The following SERINC5 variants were observed in gnomAD, a reference collection of about 807,000 sequenced individuals.
SERINC5 encodes chromosome 5 open reading frame 12.
A neutral mutation model predicts 63.1 loss-of-function variants in SERINC5; 41 were observed. The ratio of observed to expected loss-of-function variants is 0.65; its 90% CI spans 0.51 to 0.84. SERINC5 has a LOEUF of 0.84. Among genes scored for constraint, SERINC5 ranks in the 40% least tolerant of loss-of-function variants. The pLI is 0.00. For missense variants in SERINC5, 523 were observed against 573.0 expected (o/e 0.91, Z 0.89); for synonymous variants, 222 against 215.2 (o/e 1.03, Z -0.28).
chr5:80,135,886 A>G (rs913423876), downstream of SERINC5, among the ~76,000 whole-genome samples: 3 of 143,146 alleles, frequency 2.1e-5, no homozygotes, highest in African/African-American at 5.3e-5. Flanking sequence ...CAGAGGGAAG[A>G]AAAAAAAAAA....
intron 11 of SERINC5, among the ~76,000 whole-genome samples, chr5:80,126,280 G>C (rs1458850103): frequency 6.6e-6 from 1 of 152,160 alleles, no homozygotes; most frequent in African/African-American, 2.4e-5. Context: ...AGCAAACGAA[G>C]AGTCAATTAA....
chr5:80,212,534 G>A (rs1750479612), intron 1 of SERINC5, among the ~76,000 whole-genome samples: 1 of 152,040 alleles, frequency 6.6e-6, no homozygotes, highest in Non-Finnish European at 1.5e-5. Flanking sequence ...ACTTTGGAGA[G>A]CAACATTCAT....
chr5:80,206,837 C>CA (rs1192818942), intron 1 of SERINC5, among the ~76,000 whole-genome samples: 1 of 113,492 alleles, frequency 8.8e-6, no homozygotes, highest in Non-Finnish European at 1.8e-5. Context: ...TTTTAAGAGA[C>CA]AGAGTTTCAT....
chr5:80,139,666 A>G lies in SERINC5; in HGVS notation c.*3997T>C, dbSNP rs2112279090. The stretch of plus-strand genomic sequence containing the variant: ...CCAGTACTGTGAAGTCAAAGGCCCA[A>G]CATTACAGAGCGCACCTCTGCCTGA... On this transcript the variant is annotated 3_prime_UTR_variant, in exon 12 of 12. Coordinates refer to ENST00000507668, the MANE Select transcript of SERINC5 (RefSeq NM_001174072.3). 1.0e-6 allele frequency: 1 copy of G among 985,244 alleles called. No individual in the cohort carries two copies. The highest frequency in any genetic ancestry group is 1.2e-6 in the Non-Finnish European group (1 of 829,954). The allele number at this position is 985,244 out of a possible 1,614,324, so 61.0% of individuals were successfully genotyped here.
intron 11 of SERINC5, among the ~76,000 whole-genome samples, chr5:80,132,826 C>T (rs1745000550): frequency 6.6e-6 from 1 of 151,970 alleles, no homozygotes; most frequent in Non-Finnish European, 1.5e-5. Flanking sequence ...AAAATTGGCA[C>T]CAGAACATGA....
In SERINC5 at chr5:80,142,384, T is replaced by C. The variant is rs953049293; in HGVS notation, c.*1279A>G. Reference sequence around the variant, plus strand: ...AGTAGCTGGCATTACAGGCACACGCTACCATGCCCGGCTAATTTTTCTATT... The same window carrying C: ...AGTAGCTGGCATTACAGGCACACGCCACCATGCCCGGCTAATTTTTCTATT... On this transcript the variant is annotated 3_prime_UTR_variant, in exon 12 of 12. Transcript: ENST00000507668. The C allele has an allele frequency of 1.3e-5, 11 of 854,234 alleles. No individual in the cohort carries two copies. Among genetic ancestry groups the C allele is most frequent in the Non-Finnish European group, 1.5e-5 (11 of 710,436 alleles). The allele number at this position is 854,234 out of a possible 1,614,324, so 52.9% of individuals were successfully genotyped here. A position where few individuals can be genotyped will look rare whatever the true frequency, so the allele number is the denominator to read the frequency against.
At chr5:80,115,488 T>A (rs1475723311) in intron 11 of SERINC5, among the ~76,000 whole-genome samples, 3 of 152,114 alleles carry the variant, frequency 2.0e-5, no homozygotes, top group African/African-American at 4.8e-5. Context: ...CTGTGGTACA[T>A]ATCACAACAT....
At chr5:80,182,558 C>G (rs1380102325) in intron 2 of SERINC5, among the ~76,000 whole-genome samples, 11 of 117,958 alleles carry the variant, frequency 9.3e-5, no homozygotes, top group Admixed American at 2.5e-4. Flanking sequence ...CCCCCCCCTC[C>G]GCTTTTTTTT....
chr5:80,206,995 C>CTATATA (rs148319224), intron 1 of SERINC5, among the ~76,000 whole-genome samples: 4 of 148,418 alleles, frequency 2.7e-5, no homozygotes, highest in African/African-American at 7.4e-5. Flanking sequence ...TAACTTCTCA[C>CTATATA]TATATATATA....
Position 80,173,595 on chromosome 5 carries a change from CAAAAG to C in SERINC5, c.551+1354_551+1358del, listed in dbSNP as rs60584691. 6.2e-4 allele frequency among the ~76,000 whole-genome samples: 93 copies of C among 151,186 alleles called. 2 individuals are homozygous for C. Among genetic ancestry groups the C allele is most frequent in the African/African-American group, 8.2e-4 (34 of 41,318 alleles). On this transcript the variant is annotated intron_variant, in intron 5 of 11. Transcript: ENST00000507668. ...TGGGCGACAGAACGAGACTCTGTCT[CAAAAG>C]AAAAGAAAAGAAAAGAAAAGAACAA...
intron 7 of SERINC5, among the ~76,000 whole-genome samples, chr5:80,160,727 C>A (rs985085925): frequency 3.4e-4 from 52 of 152,130 alleles, no homozygotes; most frequent in African/African-American, 1.2e-3. Flanking sequence ...TCTTCACTAT[C>A]ATTCCACACT....
chr5:80,181,680 A>G (rs1382893401), intron 2 of SERINC5, among the ~76,000 whole-genome samples: 4 of 152,126 alleles, frequency 2.6e-5, no homozygotes, highest in Non-Finnish European at 5.9e-5. Context: ...CCATTTTGTC[A>G]CAACAGAGAC....
intron 2 of SERINC5, among the ~76,000 whole-genome samples, chr5:80,188,326 C>T (rs138641209): frequency 0.016 from 2,475 of 150,104 alleles, 68 homozygotes; most frequent in African/African-American, 0.058. Flanking sequence ...AAGGATTATT[C>T]TCAATTTTAT....
At chr5:80,252,469 C>G (rs987105851) in intron 1 of SERINC5, among the ~76,000 whole-genome samples, 2 of 152,154 alleles carry the variant, frequency 1.3e-5, no homozygotes, top group African/African-American at 4.8e-5. Flanking sequence ...TCTCTAGGGG[C>G]CTAGCACAGA....
At chr5:80,113,484 G>A (rs1245638580) in intron 12 of SERINC5, 1 of 161,356 alleles carries the variant, frequency 6.2e-6, no homozygotes, top group African/African-American at 2.4e-5. Flanking sequence ...TGGGGAACGA[G>A]GGGATATGCA....
Position 80,240,376 on chromosome 5 carries a change from AGTT to A in SERINC5, c.27+15517_27+15519del, listed in dbSNP as rs889223175. 1.2e-4 allele frequency among the ~76,000 whole-genome samples: 19 copies of A among 152,364 alleles called. No individual in the cohort carries two copies. In the South Asian group the frequency reaches 2.9e-3, roughly 23 times the overall value. On this transcript the variant is annotated intron_variant, in intron 1 of 11. Coordinates refer to ENST00000507668, the MANE Select transcript of SERINC5 (RefSeq NM_001174072.3). ...AATAAAATGCCAAATTTACCATAGTAGTTATGTATTTCTTAACCATTTAACATT... is the reference window on the plus strand; with the variant it reads ...AATAAAATGCCAAATTTACCATAGTAATGTATTTCTTAACCATTTAACATT...
intron 2 of SERINC5, chr5:80,198,631 G>T (rs980207812): frequency 8.0e-5 from 79 of 985,276 alleles, no homozygotes; most frequent in Middle Eastern, 5.2e-4. Context: ...CAACAAAGAG[G>T]GGGTAAGGAC....
chr5:80,190,453 G>C (rs956565390), intron 2 of SERINC5, among the ~76,000 whole-genome samples: 1 of 151,998 alleles, frequency 6.6e-6, no homozygotes, highest in African/African-American at 2.4e-5. Flanking sequence ...TCTTCATTCC[G>C]TACTATATGT....
intron 5 of SERINC5, among the ~76,000 whole-genome samples, chr5:80,170,268 T>G (rs1433065861): frequency 1.3e-5 from 2 of 152,200 alleles, no homozygotes; most frequent in East Asian, 3.9e-4. Context: ...GGAGCTAGAC[T>G]TAGGTCGCAG....
Sources: gnomAD v4.1 joint callset for allele counts (sites outside exome capture counted in the v4.1 genomes callset) on GRCh38, gnomAD v4.1.1 for gene constraint, MANE v1.5 for transcripts, NCBI Gene and HGNC (gene_info 2026-07-23, HGNC 2026-07-21) for gene names.